Variants in PAPSS1 observed in about 807,000 individuals in gnomAD.
PAPSS1 encodes bifunctional 3'-phosphoadenosine 5'-phosphosulfate synthase 1.
Under a neutral mutation model 72.0 loss-of-function variants are expected in PAPSS1, and 50 were observed. That is an observed-to-expected ratio of 0.69 (90% CI 0.55 to 0.88). PAPSS1 has a LOEUF of 0.88. Ranked by LOEUF, PAPSS1 falls within the 40% of genes least tolerant of loss-of-function variation. The pLI, the probability that PAPSS1 is intolerant of heterozygous loss-of-function variation, is 0.00. For missense variants in PAPSS1, 657 were observed against 782.2 expected, an observed-to-expected ratio of 0.84 and a Z score of 1.91; for synonymous variants, 261 against 263.6, an observed-to-expected ratio of 0.99 and a Z score of 0.09.
chr4:107,639,375 T>C (rs1726477716), intron 10 of PAPSS1, among the ~76,000 whole-genome samples: 1 of 152,156 alleles, frequency 6.6e-6, no homozygotes, highest in Non-Finnish European at 1.5e-5. Flanking sequence ...TTATCTAAAA[T>C]TCTGAAATCT....
chr4:107,712,820 C>T (rs1490185470), intron 1 of PAPSS1, among the ~76,000 whole-genome samples: 2 of 150,836 alleles, frequency 1.3e-5, no homozygotes, highest in Non-Finnish European at 3.0e-5. Context: ...TTGCAGCGAG[C>T]CAAGATTGCG....
intron 1 of PAPSS1, among the ~76,000 whole-genome samples, chr4:107,703,683 T>G (rs753772647): frequency 1.4e-4 from 22 of 152,356 alleles, no homozygotes; most frequent in Non-Finnish European, 2.8e-4. Flanking sequence ...TGTATTTATA[T>G]CTGGGCTTTC....
chr4:107,661,080 T>C (rs908575095), intron 5 of PAPSS1, among the ~76,000 whole-genome samples: 8 of 152,114 alleles, frequency 5.3e-5, no homozygotes, highest in African/African-American at 4.8e-5. Context: ...AGAAGACACA[T>C]AGATTATAAA....
At chr4:107,685,323 GCTCACAAGTAGC>G (rs1220127272) in intron 4 of PAPSS1, among the ~76,000 whole-genome samples, 20 of 152,088 alleles carry the variant, frequency 1.3e-4, no homozygotes, top group Non-Finnish European at 2.6e-4. Context: ...TGATCTCCCT[GCTCACAAGTAGC>G]CTACTCCAGC....
At chr4:107,694,032 T>C (rs1192002204) in intron 2 of PAPSS1, 26 bp from the exon 3 acceptor site, 1 of 1,486,440 alleles carries the variant, frequency 6.7e-7, no homozygotes, top group South Asian at 1.1e-5. Flanking sequence ...CCAAACAGAT[T>C]CCATGTGTAA....
chr4:107,702,803 A>G (rs1335124428), intron 1 of PAPSS1, among the ~76,000 whole-genome samples: 1 of 152,166 alleles, frequency 6.6e-6, no homozygotes, highest in Non-Finnish European at 1.5e-5. Flanking sequence ...TAGTGCTGCA[A>G]TTTACAATTA....
At chr4:107,641,761 G>A (rs1403911366) in intron 10 of PAPSS1, among the ~76,000 whole-genome samples, 1 of 152,012 alleles carries the variant, frequency 6.6e-6, no homozygotes, top group Admixed American at 6.6e-5. Flanking sequence ...CTGACATGAA[G>A]CCTGTTAGGC....
At chr4:107,665,251 C>T (rs1727285828) in intron 5 of PAPSS1, among the ~76,000 whole-genome samples, 1 of 152,140 alleles carries the variant, frequency 6.6e-6, no homozygotes. Context: ...GCAGATGCTG[C>T]CAGCTTCTAG....
chr4:107,677,977 A>C (rs1727701571), intron 5 of PAPSS1, among the ~76,000 whole-genome samples: 1 of 152,180 alleles, frequency 6.6e-6, no homozygotes, highest in Non-Finnish European at 1.5e-5. Flanking sequence ...ATAGGTGGGA[A>C]TTGAACAATG....
intron 10 of PAPSS1, among the ~76,000 whole-genome samples, chr4:107,636,564 AG>A (rs914885199): frequency 6.6e-6 from 1 of 152,162 alleles, no homozygotes. Context: ...AAGAAATCAA[AG>A]GGGGTAACAC....
At chr4:107,634,427 T>A (rs1383693499) in intron 10 of PAPSS1, among the ~76,000 whole-genome samples, 2 of 152,194 alleles carry the variant, frequency 1.3e-5, no homozygotes, top group African/African-American at 4.8e-5. Flanking sequence ...ATTAATCCAA[T>A]TCTGTGCATC....
At chr4:107,685,418 G>A (rs1242316848) in intron 4 of PAPSS1, among the ~76,000 whole-genome samples, 7 of 152,164 alleles carry the variant, frequency 4.6e-5, no homozygotes, top group Admixed American at 4.6e-4. Context: ...ATTAAAGTAA[G>A]TAAAAGGTTT....
chr4:107,683,261 T>C (rs977681700), intron 4 of PAPSS1, among the ~76,000 whole-genome samples: 4 of 152,208 alleles, frequency 2.6e-5, no homozygotes, highest in African/African-American at 9.7e-5. Context: ...TCATTTTTTT[T>C]CTATTTCCTA....
chr4:107,651,297 C>T (rs111623443), intron 9 of PAPSS1, among the ~76,000 whole-genome samples: 3 of 152,186 alleles, frequency 2.0e-5, no homozygotes, highest in African/African-American at 2.4e-5. Flanking sequence ...GCCTCCAGTT[C>T]TTAACCCATT....
chr4:107,681,934 C>G lies in PAPSS1; in HGVS notation c.669+81G>C, dbSNP rs1032518175. 7 of 725,630 alleles carry G rather than the reference C, an allele frequency of 9.6e-6. No individual in the cohort carries two copies. The African/African-American group carries it at 1.2e-4, about 13-fold the overall frequency. The allele number at this position is 725,630 out of a possible 1,614,324, so 44.9% of individuals were successfully genotyped here. A position where few individuals can be genotyped will look rare whatever the true frequency, so the allele number is the denominator to read the frequency against. The stretch of plus-strand genomic sequence containing the variant: ...ATACAAATGTTACTCAATATTAACA[C>G]CACCATTTTTTTTTGGAGGGGAAAG... On this transcript the variant is annotated intron_variant, in intron 5 of 11. Transcript: ENST00000265174.
At chr4:107,646,537 T>C (rs1726701017) in intron 9 of PAPSS1, among the ~76,000 whole-genome samples, 1 of 152,026 alleles carries the variant, frequency 6.6e-6, no homozygotes, top group African/African-American at 2.4e-5. Context: ...GCAAGAAAAG[T>C]ACAACATGAG....
At position 107,701,187 on chromosome 4, in the gene PAPSS1, G is replaced by A. The variant is rs1314672430; in HGVS notation, c.159C>T (p.Cys53=). The change falls in exon 2 of 12, where the codon TGC becomes TGT. Residue 53 remains cysteine, a synonymous_variant. Transcript: ENST00000265174. ...TGACCATACCTGTTAGCCAAACTGTGCAACCACGAAAGCCACCTCTGGTCC... is the reference window on the plus strand; with the variant it reads ...TGACCATACCTGTTAGCCAAACTGTACAACCACGAAAGCCACCTCTGGTCC... ...VVGTRGGFRG[C]TVWLTGLSGA... is the part of the protein sequence containing the mutation. The A allele has an allele frequency of 6.2e-7, 1 of 1,612,554 alleles. No homozygotes were observed. The highest frequency in any genetic ancestry group is 8.5e-7 in the Non-Finnish European group (1 of 1,178,894).
intron 5 of PAPSS1, among the ~76,000 whole-genome samples, chr4:107,665,634 G>A (rs1208112895): frequency 1.3e-5 from 2 of 152,088 alleles, no homozygotes; most frequent in African/African-American, 2.4e-5. Flanking sequence ...TCCTGAGCAG[G>A]GGATCAGTAA....
intron 2 of PAPSS1, among the ~76,000 whole-genome samples, chr4:107,695,097 C>T (rs954165015): frequency 6.6e-6 from 1 of 152,114 alleles, no homozygotes. Context: ...TGGCCATTTT[C>T]ACGATACTGA....
Sources: gnomAD v4.1 joint callset for allele counts (sites outside exome capture counted in the v4.1 genomes callset) on GRCh38, gnomAD v4.1.1 for gene constraint, MANE v1.5 for transcripts, NCBI Gene and HGNC (gene_info 2026-07-23, HGNC 2026-07-21) for gene names.